Variants in GPC6 observed in about 807,000 individuals in gnomAD.
GPC6 encodes the protein glypican 6.
GPC6 carries 14 observed loss-of-function variants against 55.2 expected under a neutral mutation model. The observed-to-expected ratio is 0.25, with a 90% CI of 0.17 to 0.40. The LOEUF (loss-of-function observed/expected upper bound fraction) is 0.40, where lower values mean the gene tolerates loss of function less well. Ranked by LOEUF, GPC6 falls within the 10% of genes least tolerant of loss-of-function variation. The probability of loss-of-function intolerance (pLI) is 1.00; values close to 1 mark genes in which losing one functional copy is unlikely to be tolerated. For missense variants in GPC6, 641 were observed against 708.5 expected, an observed-to-expected ratio of 0.90 and a Z score of 1.08; for synonymous variants, 278 against 259.6, an observed-to-expected ratio of 1.07 and a Z score of -0.68.
chr13:93,792,374 G>A (rs1301360699), intron 2 of GPC6, among the ~76,000 whole-genome samples: 2 of 152,342 alleles, frequency 1.3e-5, no homozygotes, highest in East Asian at 3.9e-4. Context: ...GCAGTGGCGT[G>A]ATCTCAGGTC....
At chr13:94,065,342 A>G (rs1381094062) in intron 4 of GPC6, among the ~76,000 whole-genome samples, 3 of 152,204 alleles carry the variant, frequency 2.0e-5, no homozygotes, top group African/African-American at 7.2e-5. Context: ...TGCTCACTCT[A>G]TGATGAGAGT....
At chr13:93,523,168 T>C (rs1475116695) in intron 1 of GPC6, among the ~76,000 whole-genome samples, 1 of 148,570 alleles carries the variant, frequency 6.7e-6, no homozygotes, top group African/African-American at 2.5e-5. Context: ...TATGTACATA[T>C]ATACACATAC....
At chr13:94,020,078 C>T (rs780621418) in intron 3 of GPC6, among the ~76,000 whole-genome samples, 1 of 151,818 alleles carries the variant, frequency 6.6e-6, no homozygotes, top group African/African-American at 2.4e-5. Context: ...TAGTTTTTTC[C>T]TTTTTTTCTA....
intron 3 of GPC6, among the ~76,000 whole-genome samples, chr13:93,942,033 T>C (rs1878763079): frequency 6.6e-6 from 1 of 152,148 alleles, no homozygotes; most frequent in Non-Finnish European, 1.5e-5. Context: ...GGAAGGTATT[T>C]CCAGTTTTTA....
intron 1 of GPC6, among the ~76,000 whole-genome samples, chr13:93,326,817 CA>C (rs1267667189): frequency 1.2e-4 from 18 of 152,236 alleles, no homozygotes; most frequent in Non-Finnish European, 1.5e-5. Flanking sequence ...GTCCAGCGAA[CA>C]TTTTTTTAAA....
rs111302661 is a variant in GPC6, at chr13:93,619,333, C to T, written c.319+73912C>T. Among the ~76,000 whole-genome samples the T allele has an allele frequency of 1.9e-3, 283 of 152,244 alleles. 2 individuals are homozygous for T. The highest frequency in any genetic ancestry group is 6.4e-3 in the African/African-American group (264 of 41,544). On this transcript the variant is annotated intron_variant, in intron 2 of 8. Coordinates refer to ENST00000377047, the MANE Select transcript of GPC6 (RefSeq NM_005708.5). ...TTTGTCTTTCATGTTTTGCTTCTCA[C>T]ATTGACTACATGGATTATTTTAAAT...
chr13:94,095,645 A>G (rs1329263027), intron 4 of GPC6, among the ~76,000 whole-genome samples: 2 of 152,190 alleles, frequency 1.3e-5, no homozygotes, highest in Non-Finnish European at 2.9e-5. Flanking sequence ...TGAATGGCAC[A>G]GCTCTTGAGA....
Position 93,807,126 on chromosome 13 carries a change from A to G in GPC6, c.320-23028A>G, listed in dbSNP as rs532308891. Among the ~76,000 whole-genome samples, 7 of 152,290 alleles carry G rather than the reference A, an allele frequency of 4.6e-5. 1 individual carries two copies. Among genetic ancestry groups the G allele is most frequent in the East Asian group, 3.9e-4 (2 of 5,176 alleles). On this transcript the variant is annotated intron_variant, in intron 2 of 8. Coordinates refer to ENST00000377047, the MANE Select transcript of GPC6 (RefSeq NM_005708.5). ...CTTTTTAATCTGTTCTTAGCATTGT[A>G]TAGCAATTAAACACTGGAAATGGGC...
intron 1 of GPC6, among the ~76,000 whole-genome samples, chr13:93,505,195 G>A (rs1880662049): frequency 6.6e-6 from 1 of 152,080 alleles, no homozygotes; most frequent in Non-Finnish European, 1.5e-5. Flanking sequence ...TGTCATATTA[G>A]CAGGGGCCTA....
At chr13:94,129,087 G>A (rs1424967789) in intron 4 of GPC6, among the ~76,000 whole-genome samples, 1 of 152,018 alleles carries the variant, frequency 6.6e-6, no homozygotes, top group Non-Finnish European at 1.5e-5. Flanking sequence ...TTAAATTGTG[G>A]CATTTATAGT....
At chr13:93,699,164 C>A (rs1374523159) in intron 2 of GPC6, among the ~76,000 whole-genome samples, 2 of 152,114 alleles carry the variant, frequency 1.3e-5, no homozygotes, top group African/African-American at 4.8e-5. Flanking sequence ...CTTTCCTATG[C>A]ATGAGAAACT....
At chr13:93,826,928 G>T (rs1887281052) in intron 2 of GPC6, among the ~76,000 whole-genome samples, 1 of 152,116 alleles carries the variant, frequency 6.6e-6, no homozygotes, top group African/African-American at 2.4e-5. Flanking sequence ...GAGACAATCT[G>T]CCCTGAAGCA....
At chr13:94,118,159 TA>T (rs1184875045) in intron 4 of GPC6, among the ~76,000 whole-genome samples, 1 of 152,050 alleles carries the variant, frequency 6.6e-6, no homozygotes, top group Non-Finnish European at 1.5e-5. Flanking sequence ...GTAGTTCTCA[TA>T]ATCCCCAAGT....
intron 3 of GPC6, among the ~76,000 whole-genome samples, chr13:93,939,480 T>C (rs1256876799): frequency 6.6e-6 from 1 of 151,806 alleles, no homozygotes; most frequent in African/African-American, 2.4e-5. Flanking sequence ...CTGTATTATA[T>C]CTCACTTGTT....
At chr13:93,620,268 T>C (rs193255238) in intron 2 of GPC6, among the ~76,000 whole-genome samples, 1 of 152,342 alleles carries the variant, frequency 6.6e-6, no homozygotes, top group East Asian at 1.9e-4. Context: ...TCAGTGTAAC[T>C]GATTAACACA....
chr13:93,762,219 A>G (rs963619426), intron 2 of GPC6, among the ~76,000 whole-genome samples: 1 of 152,178 alleles, frequency 6.6e-6, no homozygotes, highest in Non-Finnish European at 1.5e-5. Context: ...ACAGAATGCT[A>G]TTATCATGGT....
At chr13:93,841,674 C>T (rs758829367) in intron 3 of GPC6, among the ~76,000 whole-genome samples, 6 of 152,176 alleles carry the variant, frequency 3.9e-5, no homozygotes, top group Non-Finnish European at 8.8e-5. Context: ...GCCAAGTTAA[C>T]ATCAAATGAC....
chr13:94,133,615 T>C (rs1318663995), intron 4 of GPC6, among the ~76,000 whole-genome samples: 1 of 152,134 alleles, frequency 6.6e-6, no homozygotes, highest in Admixed American at 6.6e-5. Context: ...AGGGCTTTAC[T>C]TTTTTTCACA....
At chr13:94,071,963 TAC>T (rs530527862) in intron 4 of GPC6, among the ~76,000 whole-genome samples, 1 of 152,234 alleles carries the variant, frequency 6.6e-6, no homozygotes, top group Non-Finnish European at 1.5e-5. Flanking sequence ...TTGCCATAAT[TAC>T]ACACAGTTAA....
Sources: gnomAD v4.1 joint callset for allele counts (sites outside exome capture counted in the v4.1 genomes callset) on GRCh38, gnomAD v4.1.1 for gene constraint, MANE v1.5 for transcripts, NCBI Gene and HGNC (gene_info 2026-07-23, HGNC 2026-07-21) for gene names.